Variants in SPECC1 observed in about 807,000 individuals in gnomAD.
SPECC1 encodes the protein cytospin-B.
Under a neutral mutation model 104.1 loss-of-function variants are expected in SPECC1, and 62 were observed. The observed-to-expected ratio is 0.60, with a 90% CI of 0.49 to 0.74. The LOEUF (loss-of-function observed/expected upper bound fraction) is 0.74, where lower values mean the gene tolerates loss of function less well. Ranked by LOEUF, SPECC1 falls within the 30% of genes least tolerant of loss-of-function variation. The pLI, the probability that SPECC1 is intolerant of heterozygous loss-of-function variation, is 0.00. For synonymous variants in SPECC1, 513 were observed against 501.6 expected (o/e 1.02, Z -0.30); for missense variants, 1,306 against 1,310.5 (o/e 1.00, Z 0.05).
chr17:20,167,789 G>A (rs2151163835), intron 3 of SPECC1, among the ~76,000 whole-genome samples: 1 of 152,148 alleles, frequency 6.6e-6, no homozygotes, highest in Non-Finnish European at 1.5e-5. Context: ...AAAGTTATGT[G>A]GTATGTTTCC....
rs2031066043 is a variant in SPECC1, at chr17:20,143,343, A to ACT, written c.283+32782_283+32783dup. On this transcript the variant is annotated intron_variant, in intron 3 of 14. Transcript: ENST00000395527. ...CGAGGCTGTAGTGAGCTGTGATGGC[A>ACT]CTACTGCACGCCAGCCTGGGTAACA... Among the ~76,000 whole-genome samples, 3 of 150,476 alleles carry ACT rather than the reference A, an allele frequency of 2.0e-5. No individual in the cohort carries two copies. The South Asian group carries it at 6.4e-4, about 32-fold the overall frequency.
chr17:20,211,691 C>T (rs2037160898), intron 4 of SPECC1, among the ~76,000 whole-genome samples: 2 of 152,214 alleles, frequency 1.3e-5, no homozygotes, highest in Admixed American at 1.3e-4. Context: ...TGAAAAGGGG[C>T]AGAAGTTTGG....
chr17:20,170,199 C>A (rs2033980100), intron 3 of SPECC1, among the ~76,000 whole-genome samples: 1 of 152,202 alleles, frequency 6.6e-6, no homozygotes, highest in Non-Finnish European at 1.5e-5. Flanking sequence ...CAGTTGGTTG[C>A]TTCTCCAGCT....
At chr17:20,188,781 C>T (rs1030292503) in intron 3 of SPECC1, among the ~76,000 whole-genome samples, 3 of 152,088 alleles carry the variant, frequency 2.0e-5, no homozygotes, top group Admixed American at 6.6e-5. Context: ...TAGTAAACTC[C>T]GATTCAAAGG....
At position 20,298,948 on chromosome 17, in the gene SPECC1, A is replaced by AGAGTGTGTGTGT; in HGVS notation, c.3057+1872_3057+1873insAGTGTGTGTGTG. Among the ~76,000 whole-genome samples, 255 of 49,054 alleles carry AGAGTGTGTGTGT rather than the reference A, an allele frequency of 5.2e-3. 1 individual carries two copies. In the East Asian group the frequency reaches 0.058, roughly 11 times the overall value. 32.2% of individuals were successfully genotyped at this position (49,054 alleles called of 152,430 possible). ...GAGAGAGAGAGAGAGAGAGAGAGAG[A>AGAGTGTGTGTGT]GTGTGTGTGTGTGTGTGTGTGTGTA... On this transcript the variant is annotated intron_variant, in intron 13 of 14. Transcript: ENST00000395527.
intron 1 of SPECC1, among the ~76,000 whole-genome samples, chr17:20,096,419 T>C (rs915304979): frequency 2.0e-5 from 3 of 152,316 alleles, no homozygotes; most frequent in East Asian, 3.9e-4. Flanking sequence ...TATGTTTCAG[T>C]AGTTTGGTAA....
intron 3 of SPECC1, among the ~76,000 whole-genome samples, chr17:20,171,877 T>C (rs1277222727): frequency 6.6e-6 from 1 of 152,214 alleles, no homozygotes; most frequent in Non-Finnish European, 1.5e-5. Flanking sequence ...GCCAGCATTC[T>C]GGTCATTCCT....
intron 3 of SPECC1, among the ~76,000 whole-genome samples, chr17:20,173,376 C>T (rs889569568): frequency 1.3e-5 from 2 of 152,216 alleles, no homozygotes; most frequent in Non-Finnish European, 2.9e-5. Flanking sequence ...ATCTGTGAGA[C>T]AGCTGTGGTC....
At chr17:20,144,294 G>A (rs1445037326) in intron 3 of SPECC1, among the ~76,000 whole-genome samples, 2 of 143,308 alleles carry the variant, frequency 1.4e-5, no homozygotes, top group Non-Finnish European at 3.0e-5. Flanking sequence ...AAGCTCAAGT[G>A]ATTCTCCTGC....
intron 1 of SPECC1, among the ~76,000 whole-genome samples, chr17:20,024,078 A>C (rs1234768371): frequency 1.3e-5 from 2 of 152,212 alleles, no homozygotes; most frequent in Non-Finnish European, 2.9e-5. Flanking sequence ...ATCGTTTGCT[A>C]TTAGGACATA....
At chr17:20,242,824 A>G (rs1356891117) in intron 7 of SPECC1, among the ~76,000 whole-genome samples, 4 of 152,240 alleles carry the variant, frequency 2.6e-5, no homozygotes, top group African/African-American at 9.6e-5. Context: ...AAATTAAATT[A>G]GATAATGCTT....
chr17:20,209,448 A>G (rs540093014), intron 4 of SPECC1, among the ~76,000 whole-genome samples: 2 of 152,248 alleles, frequency 1.3e-5, no homozygotes, highest in Non-Finnish European at 2.9e-5. Flanking sequence ...AAAAGAACCT[A>G]TAAAAAGCCT....
intron 1 of SPECC1, among the ~76,000 whole-genome samples, chr17:20,090,825 T>C (rs977108042): frequency 2.0e-5 from 3 of 152,154 alleles, no homozygotes; most frequent in African/African-American, 7.2e-5. Context: ...GATTATAGCC[T>C]CTCTCTTGGG....
At chr17:20,250,783 C>T (rs2039595044) in intron 9 of SPECC1, among the ~76,000 whole-genome samples, 2 of 152,186 alleles carry the variant, frequency 1.3e-5, no homozygotes, top group South Asian at 4.1e-4. Flanking sequence ...TTCTCACGAA[C>T]CTCTTTGCAA....
At chr17:20,214,213 A>G (rs1232660779) in intron 4 of SPECC1, among the ~76,000 whole-genome samples, 1 of 152,222 alleles carries the variant, frequency 6.6e-6, no homozygotes, top group Non-Finnish European at 1.5e-5. Flanking sequence ...TTGGATACAA[A>G]TCCTTTACCA....
chr17:20,155,932 C>T lies in SPECC1; in HGVS notation c.283+45370C>T, dbSNP rs1401503724. ...CGGGCCGCGCCTGGCGGGCGGTGTG[C>T]AGTTGAGGTGGTCCGGCAGGATGCA... On this transcript the variant is annotated intron_variant, in intron 3 of 14. Coordinates refer to ENST00000395527, the MANE Select transcript of SPECC1 (RefSeq NM_001243439.2). 6 of 1,222,914 alleles carry T rather than the reference C, an allele frequency of 4.9e-6. No individual in the cohort carries two copies. In the African/African-American group the frequency reaches 6.3e-5, roughly 13 times the overall value. The allele number at this position is 1,222,914 out of a possible 1,614,324, so 75.8% of individuals were successfully genotyped here.
intron 1 of SPECC1, among the ~76,000 whole-genome samples, chr17:20,051,526 G>C (rs1028089701): frequency 6.6e-6 from 1 of 152,102 alleles, no homozygotes; most frequent in African/African-American, 2.4e-5. Flanking sequence ...TCCTGAATTT[G>C]TTATATGCTT....
chr17:20,205,553 A>G lies in SPECC1; in HGVS notation c.1504A>G (p.Asn502Asp). Residue 502 changes from asparagine to aspartate, a missense_variant, in exon 4 of 15, where the codon AAC (asparagine) becomes GAC (aspartate). By Grantham distance (23) the Asn-to-Asp change is conservative. Around this residue, in one of 2 missense-constraint regions of SPECC1, gnomAD observed 1,177 missense variants for 1,139.9 expected, o/e 1.03. Transcript: ENST00000395527. The stretch of plus-strand genomic sequence containing the variant: ...TAGCTTGCGGAAGGTTGAGGAAGAA[A>G]ACCAAGGAGCTTTAGAAATGATTAA... ...TCSLRKVEEENQGALEMIKRL... is the reference protein window; with the variant it reads ...TCSLRKVEEEDQGALEMIKRL... 6.2e-7 allele frequency: 1 copy of G among 1,614,096 alleles called. No individual in the cohort carries two copies. Among genetic ancestry groups the G allele is most frequent in the Middle Eastern group, 1.6e-4 (1 of 6,062 alleles).
At chr17:20,065,504 G>C (rs915648012) in intron 1 of SPECC1, among the ~76,000 whole-genome samples, 3 of 152,212 alleles carry the variant, frequency 2.0e-5, no homozygotes, top group African/African-American at 4.8e-5. Context: ...ATGAAGAGAA[G>C]TGTAGGACAA....
Sources: gnomAD v4.1 joint callset for allele counts (sites outside exome capture counted in the v4.1 genomes callset) on GRCh38, gnomAD v4.1.1 for gene constraint, gnomAD v4.1.1 regional missense constraint, MANE v1.5 for transcripts, NCBI Gene and HGNC (gene_info 2026-07-23, HGNC 2026-07-21) for gene names.